The following ERC1 variants were observed in gnomAD, a reference collection of about 807,000 sequenced individuals.
ERC1 encodes the protein ELKS/RAB6-interacting/CAST family member 1.
Under a neutral mutation model 132.0 loss-of-function variants are expected in ERC1, and 56 were observed. The observed-to-expected ratio is 0.42, with a 90% CI of 0.34 to 0.53. The LOEUF (loss-of-function observed/expected upper bound fraction) is 0.53. Ranked by LOEUF, ERC1 falls within the 20% of genes least tolerant of loss-of-function variation. ERC1 has a pLI of 0.03. For missense variants in ERC1, 1,202 were observed against 1,349.9 expected (o/e 0.89, Z 1.72); for synonymous variants, 478 against 476.1 (o/e 1.00, Z -0.05).
At chr12:1,063,390 A>G (rs1455938017) in intron 2 of ERC1, among the ~76,000 whole-genome samples, 1 of 151,054 alleles carries the variant, frequency 6.6e-6, no homozygotes, top group East Asian at 1.9e-4. Context: ...CCTCCTGGGT[A>G]TCTGGGATTA....
chr12:1,130,359 A>G (rs1476450996), intron 7 of ERC1, among the ~76,000 whole-genome samples: 1 of 152,124 alleles, frequency 6.6e-6, no homozygotes, highest in East Asian at 1.9e-4. Context: ...ATAGAGTTAT[A>G]AGGCTTTGTT....
At chr12:1,200,210 T>C (rs1956776339) in intron 12 of ERC1, among the ~76,000 whole-genome samples, 1 of 152,168 alleles carries the variant, frequency 6.6e-6, no homozygotes, top group Non-Finnish European at 1.5e-5. Context: ...AAACTTGAAC[T>C]AGTTTATAGG....
intron 3 of ERC1, among the ~76,000 whole-genome samples, chr12:1,102,050 G>GA (rs1944724063): frequency 6.6e-6 from 1 of 152,196 alleles, no homozygotes; most frequent in Non-Finnish European, 1.5e-5. Flanking sequence ...GGTAGGAAAG[G>GA]AAAAGGGTGG....
intron 8 of ERC1, among the ~76,000 whole-genome samples, chr12:1,162,205 C>T (rs1464041718): frequency 6.6e-6 from 1 of 152,206 alleles, no homozygotes; most frequent in African/African-American, 2.4e-5. Flanking sequence ...TATTGGGCTC[C>T]TCCTTCCCAG....
intron 1 of ERC1, among the ~76,000 whole-genome samples, chr12:996,169 A>G (rs1371515888): frequency 1.3e-5 from 2 of 148,770 alleles, no homozygotes; most frequent in Non-Finnish European, 3.0e-5. Flanking sequence ...GCTCACTGCA[A>G]TCTCCGCCTC....
intron 13 of ERC1, among the ~76,000 whole-genome samples, chr12:1,239,399 C>G (rs1291691865): frequency 2.0e-5 from 3 of 152,146 alleles, no homozygotes. Flanking sequence ...GTTAGGGGTA[C>G]TCCCCACCAC....
chr12:1,413,344 A>T (rs966313593), intron 17 of ERC1, among the ~76,000 whole-genome samples: 1 of 152,312 alleles, frequency 6.6e-6, no homozygotes, highest in South Asian at 2.1e-4. Context: ...CTGTAATCCC[A>T]GCACTTTGGG....
At chr12:1,322,724 C>T (rs924163355) in intron 15 of ERC1, among the ~76,000 whole-genome samples, 12 of 152,086 alleles carry the variant, frequency 7.9e-5, no homozygotes, top group African/African-American at 2.4e-4. Context: ...TGAAATCTGA[C>T]ATAACTTGTC....
intron 6 of ERC1, among the ~76,000 whole-genome samples, chr12:1,115,085 A>AT (rs1240640287): frequency 6.6e-6 from 1 of 152,204 alleles, no homozygotes; most frequent in East Asian, 1.9e-4. Context: ...ACTTCCAATA[A>AT]TTAGTATCTT....
At chr12:1,030,917 C>T (rs1967906657) in intron 2 of ERC1, among the ~76,000 whole-genome samples, 1 of 152,116 alleles carries the variant, frequency 6.6e-6, no homozygotes, top group South Asian at 2.1e-4. Context: ...GTAGGCCGTA[C>T]CAGGTGGATT....
chr12:1,106,698 A>T (rs912714403), intron 4 of ERC1, among the ~76,000 whole-genome samples: 2 of 152,080 alleles, frequency 1.3e-5, no homozygotes, highest in Admixed American at 1.3e-4. Context: ...ATTCACCACA[A>T]GTTTGTTGTG....
At chr12:1,244,395 C>T (rs2076025700) in intron 13 of ERC1, 2 of 339,228 alleles carry the variant, frequency 5.9e-6, no homozygotes, top group Admixed American at 6.0e-5. Flanking sequence ...AAGGGAAACA[C>T]TACTACCTTA....
chr12:1,230,926 C>T (rs145752441), intron 12 of ERC1, among the ~76,000 whole-genome samples: 1,694 of 152,112 alleles, frequency 0.011, 105 homozygotes, highest in Admixed American at 0.1. Context: ...CTTTTTCTAT[C>T]CTTTTGTTTT....
chr12:1,112,092 G>C, intron 5 of ERC1, 123 bp from the exon 6 acceptor site: 1 of 657,586 alleles, frequency 1.5e-6, no homozygotes, highest in Non-Finnish European at 2.7e-6. Context: ...GGGAATGAGG[G>C]GAACAGATTT....
chr12:1,446,979 C>T (rs1407895693), intron 18 of ERC1, among the ~76,000 whole-genome samples: 1 of 149,042 alleles, frequency 6.7e-6, no homozygotes, highest in Non-Finnish European at 1.5e-5. Flanking sequence ...ATGATTGTGC[C>T]ACTGTGCTCC....
At chr12:1,413,710 TGATTTGA>T (rs2091965032) in intron 17 of ERC1, among the ~76,000 whole-genome samples, 1 of 152,258 alleles carries the variant, frequency 6.6e-6, no homozygotes, top group Non-Finnish European at 1.5e-5. Context: ...AATTTGAGCA[TGATTTGA>T]TAAGTTATGT....
At chr12:1,044,939 A>C (rs187583017) in intron 2 of ERC1, among the ~76,000 whole-genome samples, 2 of 152,238 alleles carry the variant, frequency 1.3e-5, no homozygotes, top group East Asian at 3.9e-4. Context: ...CTTTCCCAAA[A>C]GGAATGTAGT....
intron 15 of ERC1, among the ~76,000 whole-genome samples, chr12:1,322,284 C>A (rs1483709955): frequency 6.6e-6 from 1 of 152,142 alleles, no homozygotes; most frequent in Non-Finnish European, 1.5e-5. Flanking sequence ...GCTCTCACTA[C>A]ATGCTGGTTT....
intron 8 of ERC1, among the ~76,000 whole-genome samples, chr12:1,168,469 A>C (rs1371478655): frequency 1.3e-5 from 2 of 148,210 alleles, no homozygotes; most frequent in Non-Finnish European, 3.0e-5. Flanking sequence ...CTTTAAATGA[A>C]GTGACTGGTC....
Sources: gnomAD v4.1 joint callset for allele counts (sites outside exome capture counted in the v4.1 genomes callset) on GRCh38, gnomAD v4.1.1 for gene constraint, MANE v1.5 for transcripts, NCBI Gene and HGNC (gene_info 2026-07-23, HGNC 2026-07-21) for gene names.